Variants in GPBP1L1 observed in about 807,000 individuals in gnomAD.
The protein encoded by GPBP1L1 is GC-rich promoter binding protein 1 like 1.
GPBP1L1 carries 23 observed loss-of-function variants against 52.5 expected under a neutral mutation model. The observed-to-expected ratio is 0.44, with a 90% CI of 0.32 to 0.62. The LOEUF is 0.62. GPBP1L1 is among the 20% of genes least tolerant of loss of function. The probability of loss-of-function intolerance (pLI) is 0.06; values close to 1 mark genes in which losing one functional copy is unlikely to be tolerated. For synonymous variants in GPBP1L1, 243 were observed against 203.1 expected (o/e 1.20, Z -1.67); for missense variants, 596 against 579.3 (o/e 1.03, Z -0.30).
At chr1:45,638,779 TTAAA>T (rs1383347326) in intron 8 of GPBP1L1, among the ~76,000 whole-genome samples, 1 of 152,116 alleles carries the variant, frequency 6.6e-6, no homozygotes, top group African/African-American at 2.4e-5. Context: ...AATCACTATT[TTAAA>T]TAAATAGATG....
intron 12 of GPBP1L1, 109 bp downstream of exon 12, chr1:45,629,467 C>A (rs558178342): frequency 3.0e-4 from 46 of 155,576 alleles, no homozygotes; most frequent in South Asian, 2.4e-3. Flanking sequence ...CCCCCCCCCC[C>A]ACCCGATCTT....
At chr1:45,684,627 C>G (rs1041699777) in intron 2 of GPBP1L1, among the ~76,000 whole-genome samples, 4 of 151,980 alleles carry the variant, frequency 2.6e-5, no homozygotes, top group Admixed American at 1.3e-4. Flanking sequence ...GATAAAGACA[C>G]CATCCAGAAT....
chr1:45,669,600 A>G (rs1645050000), intron 2 of GPBP1L1, among the ~76,000 whole-genome samples: 1 of 144,194 alleles, frequency 6.9e-6, no homozygotes, highest in Non-Finnish European at 1.5e-5. Flanking sequence ...TCTTCGGGGT[A>G]AAGGCTTTTG....
At chr1:45,660,136 A>G (rs902273804) in intron 3 of GPBP1L1, 48 bp downstream of exon 3, 64 of 958,170 alleles carry the variant, frequency 6.7e-5, no homozygotes, top group Non-Finnish European at 7.5e-5. Context: ...TTCATGATGC[A>G]TATACATAGA....
intron 8 of GPBP1L1, 147 bp downstream of exon 8, chr1:45,640,063 A>G: frequency 1.8e-6 from 1 of 544,318 alleles, no homozygotes; most frequent in South Asian, 3.5e-5. Context: ...GAAAAAAAAA[A>G]AAGCAAAGAA....
At chr1:45,662,158 C>T (rs1468930672) in intron 2 of GPBP1L1, among the ~76,000 whole-genome samples, 1 of 152,140 alleles carries the variant, frequency 6.6e-6, no homozygotes, top group Non-Finnish European at 1.5e-5. Flanking sequence ...GAAACAGGGT[C>T]TCACCCTATT....
intron 8 of GPBP1L1, among the ~76,000 whole-genome samples, chr1:45,638,799 A>G (rs1008045786): frequency 2.0e-5 from 3 of 152,208 alleles, no homozygotes; most frequent in Admixed American, 6.5e-5. Context: ...AGATGAAAGA[A>G]AAGAAAGAAA....
chr1:45,683,207 T>G (rs1276350845), intron 2 of GPBP1L1, among the ~76,000 whole-genome samples: 1 of 67,620 alleles, frequency 1.5e-5, no homozygotes, highest in African/African-American at 5.1e-5. Context: ...ATAGGCCTTT[T>G]TTTTTTTTTT....
chr1:45,630,487 C>T lies in GPBP1L1; in HGVS notation c.1164G>A (p.Glu388=). The stretch of plus-strand genomic sequence containing the variant: ...GTGATGTCCTCCTCACTTACCTGTG[C>T]TCTGCTTCTAGAGAGTGTGAGAGAA... ...GEVLSHSLEA[E]HRLLKAMGWQ... Residue 388 remains glutamate (E), a synonymous_variant, in exon 11 of 13, where the codon GAG becomes GAA. Coordinates refer to ENST00000355105, the MANE Select transcript of GPBP1L1 (RefSeq NM_021639.5). 6.2e-7 allele frequency: 1 copy of T among 1,613,882 alleles called. No homozygotes were observed. The highest frequency in any genetic ancestry group is 8.5e-7 in the Non-Finnish European group (1 of 1,179,804).
At chr1:45,672,047 G>C (rs1018647037) in intron 2 of GPBP1L1, among the ~76,000 whole-genome samples, 1 of 151,996 alleles carries the variant, frequency 6.6e-6, no homozygotes, top group African/African-American at 2.4e-5. Flanking sequence ...TCTCCATAAA[G>C]ATGCAATAAT....
At chr1:45,659,747 C>T (rs1000759900) in intron 3 of GPBP1L1, among the ~76,000 whole-genome samples, 1 of 152,110 alleles carries the variant, frequency 6.6e-6, no homozygotes, top group African/African-American at 2.4e-5. Flanking sequence ...CGAGACCAGT[C>T]TGGGCAACAT....
intron 2 of GPBP1L1, among the ~76,000 whole-genome samples, chr1:45,665,743 TAAAAAAAAAAAA>T (rs949281797): frequency 9.1e-6 from 1 of 109,710 alleles, no homozygotes; most frequent in Non-Finnish European, 1.8e-5. Context: ...GACGCCGTCT[TAAAAAAAAAAAA>T]AAAAAAAAAA....
At chr1:45,662,903 T>C (rs984150969) in intron 2 of GPBP1L1, among the ~76,000 whole-genome samples, 2 of 151,640 alleles carry the variant, frequency 1.3e-5, no homozygotes, top group Non-Finnish European at 1.5e-5. Context: ...ATACGAAAAT[T>C]AGCCAGGCAT....
chr1:45,632,671 G>C (rs571305474), intron 10 of GPBP1L1, among the ~76,000 whole-genome samples: 4 of 152,302 alleles, frequency 2.6e-5, no homozygotes, highest in Admixed American at 2.0e-4. Flanking sequence ...AGCCCAGATC[G>C]TGCCACTGCA....
chr1:45,635,188 G>C (rs927708128), intron 8 of GPBP1L1: 1 of 152,134 alleles, frequency 6.6e-6, no homozygotes, highest in Non-Finnish European at 1.5e-5. Flanking sequence ...TTTTAATAGA[G>C]GATGACACTG....
intron 2 of GPBP1L1, among the ~76,000 whole-genome samples, chr1:45,680,582 T>C (rs1645200842): frequency 6.6e-6 from 1 of 152,006 alleles, no homozygotes; most frequent in African/African-American, 2.4e-5. Context: ...TAAAAGCATC[T>C]CTAAAAATCT....
chr1:45,673,932 G>C (rs933557259), intron 2 of GPBP1L1, among the ~76,000 whole-genome samples: 2 of 152,154 alleles, frequency 1.3e-5, no homozygotes, highest in Admixed American at 1.3e-4. Flanking sequence ...GTCAATGAAA[G>C]CCAGGCACGG....
chr1:45,640,633 G>A (rs1024824879), intron 7 of GPBP1L1, among the ~76,000 whole-genome samples: 2 of 152,172 alleles, frequency 1.3e-5, no homozygotes, highest in African/African-American at 2.4e-5. Flanking sequence ...AATCAGCCAG[G>A]AAGTCCAAAG....
intron 8 of GPBP1L1, among the ~76,000 whole-genome samples, chr1:45,639,272 T>G (rs1399496390): frequency 2.0e-5 from 3 of 152,110 alleles, no homozygotes; most frequent in Non-Finnish European, 2.9e-5. Flanking sequence ...AAAGGTATAC[T>G]AGAACAGTAA....
Sources: gnomAD v4.1 joint callset for allele counts (sites outside exome capture counted in the v4.1 genomes callset) on GRCh38, gnomAD v4.1.1 for gene constraint, MANE v1.5 for transcripts, NCBI Gene and HGNC (gene_info 2026-07-23, HGNC 2026-07-21) for gene names.